Variants in SLC26A7 observed in about 807,000 individuals in gnomAD.
SLC26A7 encodes solute carrier family 26 member 7, also known as anion exchange transporter.
A neutral mutation model predicts 82.5 loss-of-function variants in SLC26A7; 59 were observed. The ratio of observed to expected loss-of-function variants is 0.72; its 90% confidence interval spans 0.58 to 0.89. The LOEUF is 0.89. Ranked by LOEUF, SLC26A7 falls within the 40% of genes least tolerant of loss-of-function variation. The pLI is 0.00. For missense variants in SLC26A7, 820 were observed against 793.0 expected, an observed-to-expected ratio of 1.03 and a Z score of -0.41; for synonymous variants, 271 against 274.3, an observed-to-expected ratio of 0.99 and a Z score of 0.12.
intron 5 of SLC26A7, among the ~76,000 whole-genome samples, chr8:91,327,362 C>A (rs540962825): frequency 2.0e-5 from 3 of 152,098 alleles, no homozygotes; most frequent in African/African-American, 7.2e-5. Context: ...GAAGTACCAT[C>A]TAAATGAATA....
chr8:91,262,044 C>T (rs900749872), intron 2 of SLC26A7, among the ~76,000 whole-genome samples: 1 of 152,022 alleles, frequency 6.6e-6, no homozygotes, highest in African/African-American at 2.4e-5. Context: ...CAACTTTGAC[C>T]CTTCCACTTA....
Position 91,230,782 on chromosome 8 carries a change from C to T in SLC26A7, c.-34+11777C>T, listed in dbSNP as rs1215539400. On this transcript the variant is annotated intron_variant, in intron 2 of 5. Transcript: ENST00000522862. ...TATGCTTTATGTATACTGAATACTA[C>T]GGAACAGGGAATGGCTAAAAGTGAT... Among the ~76,000 whole-genome samples the T allele has an allele frequency of 7.2e-5, 11 of 152,138 alleles. 1 individual carries two copies. Among genetic ancestry groups the T allele is most frequent in the Middle Eastern group, 3.4e-3 (1 of 294 alleles).
intron 9 of SLC26A7, 108 bp from the exon 10 acceptor site, chr8:91,351,702 T>C: frequency 1.3e-6 from 1 of 742,050 alleles, no homozygotes; most frequent in Middle Eastern, 2.4e-4. Flanking sequence ...ACATTTTACT[T>C]CTTCTAATCA....
intron 15 of SLC26A7, among the ~76,000 whole-genome samples, chr8:91,375,494 A>G (rs942904428): frequency 3.3e-5 from 5 of 151,916 alleles, no homozygotes; most frequent in African/African-American, 1.2e-4. Flanking sequence ...GCTTAGTTTG[A>G]TAGAATATAA....
At chr8:91,388,245 C>A (rs1270784077) in intron 15 of SLC26A7, among the ~76,000 whole-genome samples, 2 of 152,052 alleles carry the variant, frequency 1.3e-5, no homozygotes, top group Admixed American at 6.5e-5. Context: ...GTTCTCCTGC[C>A]TCAGCCTCCC....
At chr8:91,325,676 C>T (rs960821172) in intron 5 of SLC26A7, among the ~76,000 whole-genome samples, 1 of 152,138 alleles carries the variant, frequency 6.6e-6, no homozygotes, top group African/African-American at 2.4e-5. Context: ...TCTAAGACTT[C>T]ATGCTCTGTA....
intron 2 of SLC26A7, among the ~76,000 whole-genome samples, chr8:91,281,175 A>G (rs183747235): frequency 6.6e-6 from 1 of 152,350 alleles, no homozygotes; most frequent in African/African-American, 2.4e-5. Context: ...CAAAGTGATA[A>G]AGATTCAAAG....
intron 16 of SLC26A7, among the ~76,000 whole-genome samples, chr8:91,390,141 C>A (rs1428445002): frequency 6.8e-6 from 1 of 147,756 alleles, no homozygotes; most frequent in Non-Finnish European, 1.5e-5. Flanking sequence ...GACGGAGTCT[C>A]GCTCTATCGC....
intron 11 of SLC26A7, among the ~76,000 whole-genome samples, chr8:91,356,181 A>G (rs1373915632): frequency 6.6e-6 from 1 of 152,240 alleles, no homozygotes; most frequent in Non-Finnish European, 1.5e-5. Flanking sequence ...TAGTGCCGCA[A>G]TAAACATACG....
At chr8:91,273,018 G>A (rs73694609) in intron 2 of SLC26A7, among the ~76,000 whole-genome samples, 3,707 of 152,226 alleles carry the variant, frequency 0.024, 155 homozygotes, top group African/African-American at 0.08. Context: ...TTAGATCAGT[G>A]TTTTATGTAA....
chr8:91,223,377 T>C (rs367717564), intron 2 of SLC26A7, among the ~76,000 whole-genome samples: 1 of 152,214 alleles, frequency 6.6e-6, no homozygotes, highest in East Asian at 1.9e-4. Context: ...TGCTAGCTTT[T>C]GGATTAGTTT....
At chr8:91,292,353 A>G (rs960554328) in intron 3 of SLC26A7, among the ~76,000 whole-genome samples, 2 of 152,006 alleles carry the variant, frequency 1.3e-5, no homozygotes, top group African/African-American at 2.4e-5. Context: ...TGCAACATAT[A>G]TATGTCAGGG....
At chr8:91,369,476 CT>C (rs1431314124) in intron 14 of SLC26A7, among the ~76,000 whole-genome samples, 1 of 151,326 alleles carries the variant, frequency 6.6e-6, no homozygotes, top group African/African-American at 2.4e-5. Flanking sequence ...ATTGAATATG[CT>C]ACTTAAAAAA....
upstream of SLC26A7, among the ~76,000 whole-genome samples, chr8:91,244,533 T>C (rs1447225461): frequency 6.6e-6 from 1 of 151,858 alleles, no homozygotes; most frequent in East Asian, 1.9e-4. Flanking sequence ...AGAGAGGATC[T>C]TGCTCTGTTG....
At chr8:91,264,817 T>A (rs1275642666) in intron 2 of SLC26A7, among the ~76,000 whole-genome samples, 1 of 152,082 alleles carries the variant, frequency 6.6e-6, no homozygotes, top group African/African-American at 2.4e-5. Flanking sequence ...TTTTAATATA[T>A]ATAAACATTG....
chr8:91,284,409 A>G (rs1811656091), intron 2 of SLC26A7, among the ~76,000 whole-genome samples: 1 of 152,160 alleles, frequency 6.6e-6, no homozygotes, highest in Admixed American at 6.6e-5. Flanking sequence ...TGTGCACCAG[A>G]GATTGGAGAG....
At chr8:91,312,368 G>T (rs573807907) in intron 4 of SLC26A7, among the ~76,000 whole-genome samples, 5 of 152,026 alleles carry the variant, frequency 3.3e-5, no homozygotes, top group Admixed American at 2.0e-4. Context: ...ATGGACACTT[G>T]GTTATCCATT....
chr8:91,392,738 T>C (rs1808437555), intron 16 of SLC26A7, among the ~76,000 whole-genome samples: 3 of 152,152 alleles, frequency 2.0e-5, no homozygotes, highest in Admixed American at 1.3e-4. Context: ...CTTTGTTCTT[T>C]TACTTGGGAC....
chr8:91,362,420 T>G lies in SLC26A7; in HGVS notation c.1382T>G (p.Val461Gly), dbSNP rs762807253. ...FAANVGLLFG[V>G]VCTIAIVIGR... ...GCCAATGTGGGACTGCTGTTTGGTG[T>G]TGTTTGTACCATAGCTATAGTGATA... The change falls in exon 12 of 19, where the codon GTT becomes GGT. Residue 461 changes from valine (V) to glycine (G), a missense_variant. Coordinates refer to ENST00000276609, the MANE Select transcript of SLC26A7 (RefSeq NM_052832.4). 2.5e-6 allele frequency: 4 copies of G among 1,613,406 alleles called. No individual in the cohort carries two copies. The highest frequency in any genetic ancestry group is 2.5e-6 in the Non-Finnish European group (3 of 1,179,448).
Sources: gnomAD v4.1 joint callset for allele counts (sites outside exome capture counted in the v4.1 genomes callset) on GRCh38, gnomAD v4.1.1 for gene constraint, MANE v1.5 for transcripts, NCBI Gene and HGNC (gene_info 2026-07-23, HGNC 2026-07-21) for gene names.